Variants in LIMCH1 observed in about 807,000 individuals in gnomAD.
The protein encoded by LIMCH1 is LIM and calponin homology domains 1.
LIMCH1 carries 113 observed loss-of-function variants against 176.5 expected under a neutral mutation model. That is an observed-to-expected ratio of 0.64 (90% confidence interval 0.55 to 0.75). LIMCH1 has a LOEUF of 0.75. Ranked by LOEUF, LIMCH1 falls within the 30% of genes least tolerant of loss-of-function variation. The probability of loss-of-function intolerance (pLI) is 0.00; values close to 1 mark genes in which losing one functional copy is unlikely to be tolerated. For missense variants in LIMCH1, 1,674 were observed against 1,814.9 expected (o/e 0.92, Z 1.41); for synonymous variants, 619 against 645.9 (o/e 0.96, Z 0.63).
At chr4:41,641,907 C>A (rs1201428663) in intron 14 of LIMCH1, among the ~76,000 whole-genome samples, 2 of 152,182 alleles carry the variant, frequency 1.3e-5, no homozygotes, top group Admixed American at 1.3e-4. Context: ...TGGCTTCTGG[C>A]CACATTTGGG....
chr4:41,499,294 T>C (rs577776619), intron 2 of LIMCH1, among the ~76,000 whole-genome samples: 1 of 152,204 alleles, frequency 6.6e-6, no homozygotes, highest in African/African-American at 2.4e-5. Flanking sequence ...CATATTTGCT[T>C]TATCTCTTCA....
chr4:41,480,441 C>T (rs2068402776), intron 1 of LIMCH1, among the ~76,000 whole-genome samples: 2 of 152,084 alleles, frequency 1.3e-5, no homozygotes, highest in South Asian at 4.2e-4. Flanking sequence ...ACCCCGGCTC[C>T]ACTAAAAATA....
chr4:41,612,851 C>CTTTTTTTT, intron 4 of LIMCH1: 1 of 1,072,414 alleles, frequency 9.3e-7, no homozygotes, highest in Non-Finnish European at 1.2e-6. Flanking sequence ...CATTGCCTTT[C>CTTTTTTTT]TTTTTTTTTT....
chr4:41,460,476 A>ATATATATATC (rs965621988), intron 1 of LIMCH1, among the ~76,000 whole-genome samples: 7 of 142,644 alleles, frequency 4.9e-5, no homozygotes, highest in African/African-American at 1.9e-4. Flanking sequence ...ATATATATAT[A>ATATATATATC]TATCTTATAA....
At chr4:41,635,862 TG>T (rs2093561473) in intron 13 of LIMCH1, among the ~76,000 whole-genome samples, 1 of 152,208 alleles carries the variant, frequency 6.6e-6, no homozygotes, top group African/African-American at 2.4e-5. Flanking sequence ...ATACAGGCAA[TG>T]GGTGCATAGG....
intron 1 of LIMCH1, among the ~76,000 whole-genome samples, chr4:41,419,688 CT>C (rs1441419180): frequency 0.028 from 2,290 of 82,266 alleles, 62 homozygotes; most frequent in Middle Eastern, 0.047. Context: ...TTCCTCCTTC[CT>C]TCCTTCCTTC....
intron 19 of LIMCH1, 68 bp downstream of exon 19, chr4:41,661,578 C>A (rs746084300): frequency 3.7e-4 from 431 of 1,171,346 alleles, no homozygotes; most frequent in Non-Finnish European, 3.4e-4. Flanking sequence ...TGGAAATAGT[C>A]AAGAATTTTT....
intron 1 of LIMCH1, among the ~76,000 whole-genome samples, chr4:41,423,764 A>G (rs2060831296): frequency 6.6e-6 from 1 of 152,170 alleles, no homozygotes; most frequent in Non-Finnish European, 1.5e-5. Flanking sequence ...GAGGGCTGAG[A>G]ATTGAGAAGT....
chr4:41,382,819 C>T (rs1221809318), intron 1 of LIMCH1, among the ~76,000 whole-genome samples: 1 of 152,160 alleles, frequency 6.6e-6, no homozygotes, highest in African/African-American at 2.4e-5. Context: ...GATACAGAGT[C>T]TTGCTACCAT....
At chr4:41,413,100 T>A (rs2059628436) in intron 1 of LIMCH1, among the ~76,000 whole-genome samples, 1 of 152,152 alleles carries the variant, frequency 6.6e-6, no homozygotes, top group African/African-American at 2.4e-5. Flanking sequence ...TTCCTTTACA[T>A]ATTGATCTGT....
At chr4:41,533,454 G>A (rs192258132), upstream of LIMCH1, among the ~76,000 whole-genome samples, 1 of 152,202 alleles carries the variant, frequency 6.6e-6, no homozygotes, top group East Asian at 1.9e-4. Context: ...CCTGAACACC[G>A]GCTCCTTGTG....
chr4:41,647,534 T>C (rs2094115967), intron 17 of LIMCH1, among the ~76,000 whole-genome samples: 1 of 152,228 alleles, frequency 6.6e-6, no homozygotes, highest in Admixed American at 6.5e-5. Flanking sequence ...CAAACATCTT[T>C]TCGCTTCCTC....
chr4:41,359,809 C>T (rs1198466784), upstream of LIMCH1: 4 of 152,216 alleles, frequency 2.6e-5, no homozygotes, highest in Non-Finnish European at 5.9e-5. Context: ...CACAGGTCAG[C>T]CTCCCAGCCA....
At chr4:41,568,765 T>C (rs2083108223) in intron 1 of LIMCH1, among the ~76,000 whole-genome samples, 1 of 152,228 alleles carries the variant, frequency 6.6e-6, no homozygotes, top group African/African-American at 2.4e-5. Flanking sequence ...GAAAGATTGC[T>C]TGACTTTGAA....
chr4:41,388,909 C>G (rs928720119), intron 1 of LIMCH1, among the ~76,000 whole-genome samples: 2 of 152,220 alleles, frequency 1.3e-5, no homozygotes, highest in African/African-American at 4.8e-5. Context: ...TCCCAAAGTG[C>G]TGGGATTACA....
intron 1 of LIMCH1, among the ~76,000 whole-genome samples, chr4:41,361,622 G>A (rs1482793059): frequency 6.6e-6 from 1 of 152,204 alleles, no homozygotes; most frequent in Non-Finnish European, 1.5e-5. Flanking sequence ...CGGGCTACCC[G>A]GTCTGGTTGG....
chr4:41,472,336 CCCTG>C (rs2067091179), intron 1 of LIMCH1, among the ~76,000 whole-genome samples: 2 of 148,132 alleles, frequency 1.4e-5, no homozygotes, highest in African/African-American at 5.0e-5. Context: ...CTCCCTCCCT[CCCTG>C]CCTCCCTCCC....
chr4:41,396,218 C>T (rs2057786449), intron 1 of LIMCH1, among the ~76,000 whole-genome samples: 1 of 152,078 alleles, frequency 6.6e-6, no homozygotes, highest in African/African-American at 2.4e-5. Context: ...TTTCTTCTGC[C>T]CAACCTCCTT....
At chr4:41,393,160 C>A (rs895443276) in intron 1 of LIMCH1, among the ~76,000 whole-genome samples, 2 of 152,130 alleles carry the variant, frequency 1.3e-5, no homozygotes, top group African/African-American at 4.8e-5. Context: ...ACTACAGAGC[C>A]CATTCATGAT....
Sources: gnomAD v4.1 joint callset for allele counts (sites outside exome capture counted in the v4.1 genomes callset) on GRCh38, gnomAD v4.1.1 for gene constraint, MANE v1.5 for transcripts, NCBI Gene and HGNC (gene_info 2026-07-23, HGNC 2026-07-21) for gene names.